Variants in FBLN7 observed in about 807,000 individuals in gnomAD.
The protein encoded by FBLN7 is fibulin-7.
In FBLN7, 31 loss-of-function variants were observed where a neutral mutation model predicts 44.0. That is an observed-to-expected ratio of 0.70 (90% CI 0.53 to 0.95). The LOEUF is 0.95. Ranked by LOEUF, FBLN7 falls within the 40% of genes least tolerant of loss-of-function variation. The pLI, the probability that FBLN7 is intolerant of heterozygous loss-of-function variation, is 0.00. For missense variants in FBLN7, 573 were observed against 618.5 expected (o/e 0.93, Z 0.78); for synonymous variants, 262 against 253.4 (o/e 1.03, Z -0.32).
rs991636546 is a variant in FBLN7, at chr2:112,187,188, C to G, written c.1002C>G (p.Pro334=). ...ACAGCAGGCCCTGCCGCCATCTGCC[C>G]AAGACCATCTCCTTCCATTACCTCT... ...PMDSRPCRHL[P]KTISFHYLSL... Residue 334 remains proline, a synonymous_variant, in exon 8 of 8, where the codon CCC becomes CCG. Transcript: ENST00000331203. The surrounding 1 kb of genome is among the most constrained non-coding windows in gnomAD (Gnocchi z 5.1). 2.5e-6 allele frequency: 4 copies of G among 1,613,946 alleles called. No individual in the cohort carries two copies. The African/African-American group carries it at 5.3e-5, about 22-fold the overall frequency.
chr2:112,180,114 G>A (rs1433409225), intron 4 of FBLN7, among the ~76,000 whole-genome samples: 4 of 151,968 alleles, frequency 2.6e-5, no homozygotes, highest in Admixed American at 6.6e-5. Context: ...AATATCCAGC[G>A]TCTATAAGGA....
intron 1 of FBLN7, among the ~76,000 whole-genome samples, chr2:112,140,545 G>A (rs1680590586): frequency 6.6e-6 from 1 of 152,214 alleles, no homozygotes; most frequent in African/African-American, 2.4e-5. Context: ...ACCCGGGCTG[G>A]GCTGCGAAAG....
intron 1 of FBLN7, 54 bp downstream of exon 1, chr2:112,138,784 GGCC>G: frequency 6.8e-7 from 1 of 1,479,354 alleles, no homozygotes. Context: ...CCTCTCTCCA[GGCC>G]AGTGTCCCTC....
At chr2:112,172,394 AG>A (rs1208872980) in intron 3 of FBLN7, among the ~76,000 whole-genome samples, 1 of 152,158 alleles carries the variant, frequency 6.6e-6, no homozygotes, top group Non-Finnish European at 1.5e-5. Flanking sequence ...ACTGGTTGTT[AG>A]TTCCATTGGA....
At chr2:112,223,655 A>ACAAT in the FBLN7 span, among the ~76,000 whole-genome samples, 2 of 152,218 alleles carry the variant, frequency 1.3e-5, no homozygotes, top group Admixed American at 6.5e-5. Flanking sequence ...AGAAATGCTA[A>ACAAT]CAATCAATCT....
At chr2:112,217,788 C>G in the FBLN7 span, among the ~76,000 whole-genome samples, 1 of 152,026 alleles carries the variant, frequency 6.6e-6, no homozygotes, top group Non-Finnish European at 1.5e-5. Context: ...TTCAGTTGTC[C>G]TCCTCAAAGT....
At position 112,159,184 on chromosome 2, in the gene FBLN7, C is replaced by G. The variant is rs573171627; in HGVS notation, c.76-492C>G. Among the ~76,000 whole-genome samples, 252 of 137,128 alleles carry G rather than the reference C, an allele frequency of 1.8e-3. 2 individuals are homozygous for G. Among genetic ancestry groups the G allele is most frequent in the African/African-American group, 6.5e-3 (237 of 36,468 alleles). 90.0% of individuals were successfully genotyped at this position (137,128 alleles called of 152,430 possible). A position where few individuals can be genotyped will look rare whatever the true frequency, so the allele number is the denominator to read the frequency against. On this transcript the variant is annotated intron_variant, in intron 1 of 7. Transcript: ENST00000331203. ...ACTTTTATTGAATGCCTCTTTAACT[C>G]TAGTGAGTTTTTTTTTTTCTTATTT...
chr2:112,195,786 C>T, the FBLN7 span, among the ~76,000 whole-genome samples: 1 of 152,262 alleles, frequency 6.6e-6, no homozygotes, highest in Non-Finnish European at 1.5e-5. Flanking sequence ...ATCTTGTCTG[C>T]ATGCTCACTG....
chr2:112,228,170 A>G, the FBLN7 span, among the ~76,000 whole-genome samples: 1 of 152,310 alleles, frequency 6.6e-6, no homozygotes, highest in East Asian at 1.9e-4. Flanking sequence ...TGACAAAGGC[A>G]TGAAGGCAAG....
chr2:112,181,524 C>T (rs1682989339), intron 4 of FBLN7, among the ~76,000 whole-genome samples: 1 of 152,192 alleles, frequency 6.6e-6, no homozygotes, highest in Non-Finnish European at 1.5e-5. Flanking sequence ...CCATTCTATT[C>T]CAGGGCGCTT....
intron 1 of FBLN7, among the ~76,000 whole-genome samples, chr2:112,157,464 A>G (rs1681489453): frequency 6.6e-6 from 1 of 152,176 alleles, no homozygotes; most frequent in African/African-American, 2.4e-5. Flanking sequence ...TCTCCTGTGC[A>G]GGCAGCAGAG....
chr2:112,244,493 G>T, the FBLN7 span, among the ~76,000 whole-genome samples: 1 of 152,128 alleles, frequency 6.6e-6, no homozygotes, highest in South Asian at 2.1e-4. Flanking sequence ...TAAGATGTGA[G>T]ATATCTACAA....
intron 1 of FBLN7, chr2:112,151,745 A>C (rs532811451): frequency 6.6e-6 from 1 of 152,374 alleles, no homozygotes; most frequent in East Asian, 1.9e-4. Context: ...GAGAAGGCTC[A>C]TATACCCGGC....
intron 3 of FBLN7, among the ~76,000 whole-genome samples, chr2:112,175,311 G>T (rs899157691): frequency 6.6e-6 from 1 of 152,250 alleles, no homozygotes; most frequent in Admixed American, 6.5e-5. Context: ...AGGGTTGTGG[G>T]TTACAGGGCC....
intron 1 of FBLN7, among the ~76,000 whole-genome samples, chr2:112,154,207 A>G (rs1190508828): frequency 1.3e-5 from 2 of 152,230 alleles, no homozygotes; most frequent in African/African-American, 4.8e-5. Flanking sequence ...GTTCCATTTC[A>G]AAGAAGTTAT....
At chr2:112,186,438 G>A (rs894547831) in intron 7 of FBLN7, among the ~76,000 whole-genome samples, 2 of 152,086 alleles carry the variant, frequency 1.3e-5, no homozygotes, top group African/African-American at 2.4e-5. Context: ...TCAGGAGTTC[G>A]AGACCAGCCT....
At chr2:112,148,502 G>A (rs1680994902) in intron 1 of FBLN7, among the ~76,000 whole-genome samples, 1 of 152,230 alleles carries the variant, frequency 6.6e-6, no homozygotes, top group African/African-American at 2.4e-5. Context: ...AACAGACAGT[G>A]ATCTTGCTTT....
chr2:112,236,629 C>T, the FBLN7 span: 41 of 1,613,944 alleles, frequency 2.5e-5, no homozygotes, highest in South Asian at 6.6e-5. Flanking sequence ...AGGCCATTTT[C>T]GCTTCATTTT....
chr2:112,234,285 ATATTT>A, the FBLN7 span: 1 of 1,367,760 alleles, frequency 7.3e-7, no homozygotes, highest in African/African-American at 1.5e-5. Flanking sequence ...AGAAAATTAA[ATATTT>A]TATTCTGTTG....
Sources: allele counts gnomAD v4.1 joint callset (sites outside exome capture counted in the v4.1 genomes callset), GRCh38; gene constraint gnomAD v4.1.1; non-coding constraint Gnocchi (gnomAD v3.1); transcripts MANE v1.5; gene names NCBI Gene and HGNC (gene_info 2026-07-23, HGNC 2026-07-21).